BBOX1: variants seen among roughly 807,000 people sequenced by gnomAD.
BBOX1 encodes the protein gamma-butyrobetaine dioxygenase.
Under a neutral mutation model 41.6 loss-of-function variants are expected in BBOX1, and 35 were observed. The ratio of observed to expected loss-of-function variants is 0.84; its 90% CI spans 0.64 to 1.11. The LOEUF (loss-of-function observed/expected upper bound fraction) is 1.11, where lower values mean the gene tolerates loss of function less well. Among genes scored for constraint, BBOX1 ranks in the 50% most tolerant of loss-of-function variants. The pLI, the probability that BBOX1 is intolerant of heterozygous loss-of-function variation, is 0.00. For synonymous variants in BBOX1, 163 were observed against 154.7 expected, an observed-to-expected ratio of 1.05 and a Z score of -0.40; for missense variants, 458 against 460.6, an observed-to-expected ratio of 0.99 and a Z score of 0.05.
intron 4 of BBOX1, among the ~76,000 whole-genome samples, chr11:27,070,379 A>C (rs1266179754): frequency 1.3e-5 from 2 of 151,986 alleles, no homozygotes; most frequent in Non-Finnish European, 2.9e-5. Context: ...CACTATTATT[A>C]TGTTGCTGTC....
chr11:27,076,778 G>A (rs1857646363), intron 4 of BBOX1, among the ~76,000 whole-genome samples: 3 of 152,126 alleles, frequency 2.0e-5, no homozygotes, highest in Non-Finnish European at 4.4e-5. Context: ...CAGTTCTCTT[G>A]CCACTAGGGT....
chr11:27,106,709 A>G (rs1371202703), intron 5 of BBOX1, among the ~76,000 whole-genome samples: 1 of 152,084 alleles, frequency 6.6e-6, no homozygotes. Flanking sequence ...ATATCCAGGA[A>G]TTGAACTCAG....
intron 4 of BBOX1, among the ~76,000 whole-genome samples, chr11:27,059,500 C>CT (rs1269189314): frequency 5.3e-5 from 8 of 152,352 alleles, no homozygotes; most frequent in African/African-American, 1.9e-4. Context: ...AGAGTCCTCA[C>CT]TGGGGCACTA....
At chr11:27,071,420 C>T (rs1398168509) in intron 4 of BBOX1, among the ~76,000 whole-genome samples, 1 of 151,652 alleles carries the variant, frequency 6.6e-6, no homozygotes, top group Non-Finnish European at 1.5e-5. Flanking sequence ...GATCCCAATC[C>T]CTTTGGGCTT....
chr11:27,122,485 T>C (rs1358469785), intron 7 of BBOX1, among the ~76,000 whole-genome samples: 5 of 152,192 alleles, frequency 3.3e-5, no homozygotes, highest in African/African-American at 9.6e-5. Context: ...CTAGTTATAA[T>C]ATGCATGAAG....
intron 5 of BBOX1, among the ~76,000 whole-genome samples, chr11:27,099,489 G>C (rs1858565562): frequency 6.6e-6 from 1 of 151,940 alleles, no homozygotes; most frequent in East Asian, 1.9e-4. Flanking sequence ...GCACTGCATG[G>C]AAGCTATATA....
At chr11:27,091,562 T>C (rs946360014) in intron 4 of BBOX1, among the ~76,000 whole-genome samples, 1 of 151,996 alleles carries the variant, frequency 6.6e-6, no homozygotes, top group Non-Finnish European at 1.5e-5. Flanking sequence ...TGTGCTGACC[T>C]GTTTCTCTTT....
intron 4 of BBOX1, among the ~76,000 whole-genome samples, chr11:27,074,349 C>T (rs1246471570): frequency 1.3e-5 from 2 of 151,878 alleles, no homozygotes; most frequent in Non-Finnish European, 2.9e-5. Context: ...GTGGAAATGA[C>T]TTTGGAAACA....
chr11:27,088,129 A>G lies in BBOX1; in HGVS notation c.335-5039A>G, dbSNP rs111561944. On this transcript the variant is annotated intron_variant, in intron 4 of 8. Transcript: ENST00000263182. The stretch of plus-strand genomic sequence containing the variant: ...ATAATGGAAAAAAAAGCTCATATAG[A>G]AACAAAAATTCATCGAAACATGCTA... 4.8e-4 allele frequency among the ~76,000 whole-genome samples: 73 copies of G among 152,150 alleles called. 2 individuals are homozygous for G. Among genetic ancestry groups the G allele is most frequent in the African/African-American group, 1.7e-3 (72 of 41,558 alleles).
chr11:27,083,658 C>T (rs1322967097), intron 4 of BBOX1, among the ~76,000 whole-genome samples: 1 of 152,030 alleles, frequency 6.6e-6, no homozygotes, highest in African/African-American at 2.4e-5. Flanking sequence ...TGTTATACAC[C>T]CCATTTGTTA....
chr11:27,123,538 G>A (rs1197392874), intron 7 of BBOX1, among the ~76,000 whole-genome samples: 5 of 151,978 alleles, frequency 3.3e-5, no homozygotes, highest in Non-Finnish European at 5.9e-5. Flanking sequence ...AATGTTATAT[G>A]TACAGAACAC....
intron 5 of BBOX1, among the ~76,000 whole-genome samples, chr11:27,099,504 T>C (rs1858566150): frequency 6.6e-6 from 1 of 151,914 alleles, no homozygotes; most frequent in Non-Finnish European, 1.5e-5. Context: ...TATATAACTG[T>C]TGAATAAAAC....
In BBOX1 at chr11:27,050,068, C is replaced by T. The variant is rs373176544; in HGVS notation, c.-38-5325C>T. ...ATGAGGGTCCAATTTTATACTTCTTCATCTGGATATTTAGTAACACTCCAC... is the reference window on the plus strand; with the variant it reads ...ATGAGGGTCCAATTTTATACTTCTTTATCTGGATATTTAGTAACACTCCAC... On this transcript the variant is annotated intron_variant, in intron 2 of 8. Coordinates refer to ENST00000263182, the MANE Select transcript of BBOX1 (RefSeq NM_003986.3). 3.1e-3 allele frequency among the ~76,000 whole-genome samples: 478 copies of T among 152,206 alleles called. 3 individuals carry two copies. Among genetic ancestry groups the T allele is most frequent in the African/African-American group, 0.011 (462 of 41,546 alleles).
intron 5 of BBOX1, among the ~76,000 whole-genome samples, chr11:27,105,407 T>G (rs1858829710): frequency 6.6e-6 from 1 of 152,116 alleles, no homozygotes; most frequent in African/African-American, 2.4e-5. Flanking sequence ...AATGACCTGA[T>G]GGAGCTGAAA....
chr11:27,041,548 C>A (rs1851348290), intron 2 of BBOX1, 70 bp downstream of exon 2: 1 of 152,166 alleles, frequency 6.6e-6, no homozygotes, highest in South Asian at 2.1e-4. Context: ...TCTTCCTTTT[C>A]TCCTTATTGC....
At chr11:27,104,429 A>G (rs977081159) in intron 5 of BBOX1, among the ~76,000 whole-genome samples, 3 of 152,124 alleles carry the variant, frequency 2.0e-5, no homozygotes, top group African/African-American at 7.2e-5. Flanking sequence ...ATTTTTGTTT[A>G]GATGTTGTCA....
At chr11:27,059,621 G>A (rs979095904) in intron 4 of BBOX1, among the ~76,000 whole-genome samples, 1 of 152,162 alleles carries the variant, frequency 6.6e-6, no homozygotes, top group East Asian at 1.9e-4. Context: ...AACGACCTGT[G>A]ACAGCAGCCT....
intron 4 of BBOX1, among the ~76,000 whole-genome samples, chr11:27,090,395 A>G (rs1432619458): frequency 6.6e-6 from 1 of 151,888 alleles, no homozygotes; most frequent in Non-Finnish European, 1.5e-5. Context: ...AAGGGTTTCA[A>G]AAAGGGTGGG....
intron 4 of BBOX1, among the ~76,000 whole-genome samples, chr11:27,072,879 G>T (rs1224092071): frequency 3.3e-5 from 5 of 151,932 alleles, no homozygotes; most frequent in Admixed American, 6.6e-5. Context: ...TGCTGAAACT[G>T]TATCTCTTCC....
Sources: allele counts gnomAD v4.1 joint callset (sites outside exome capture counted in the v4.1 genomes callset), GRCh38; gene constraint gnomAD v4.1.1; transcripts MANE v1.5; gene names NCBI Gene and HGNC (gene_info 2026-07-23, HGNC 2026-07-21).